TMEM71: variants seen among roughly 807,000 people sequenced by gnomAD.
TMEM71 encodes the protein transmembrane protein 71.
In TMEM71, 44 loss-of-function variants were observed where a neutral mutation model predicts 38.0. The ratio of observed to expected loss-of-function variants is 1.16; its 90% CI spans 0.91 to 1.49. The LOEUF (loss-of-function observed/expected upper bound fraction) is 1.49, where lower values mean the gene tolerates loss of function less well. Among genes scored for constraint, TMEM71 ranks in the 40% most tolerant of loss-of-function variants. The probability of loss-of-function intolerance (pLI) is 0.00; values close to 1 mark genes in which losing one functional copy is unlikely to be tolerated. For missense variants in TMEM71, 367 were observed against 348.6 expected, an observed-to-expected ratio of 1.05 and a Z score of -0.42; for synonymous variants, 133 against 122.5, an observed-to-expected ratio of 1.09 and a Z score of -0.56.
At chr8:132,707,914 G>A (rs1027581418), downstream of TMEM71, among the ~76,000 whole-genome samples, 3 of 152,200 alleles carry the variant, frequency 2.0e-5, no homozygotes, top group Admixed American at 6.5e-5. Context: ...CAGGAACCTC[G>A]TCTGTATTCT....
At chr8:132,752,808 AAAGGAAGAAGGG>A (rs1233713646) in intron 3 of TMEM71, among the ~76,000 whole-genome samples, 3 of 146,112 alleles carry the variant, frequency 2.1e-5, no homozygotes, top group African/African-American at 7.7e-5. Context: ...AGAAAGGAAG[AAAGGAAGAAGGG>A]AAGGAAGAAA....
At chr8:132,749,790 C>T (rs532858841) in intron 4 of TMEM71, among the ~76,000 whole-genome samples, 5 of 151,954 alleles carry the variant, frequency 3.3e-5, no homozygotes, top group South Asian at 2.1e-4. Context: ...TTGAGGCGGG[C>T]GGATCACAAG....
chr8:132,713,051 C>T (rs985192684), intron 9 of TMEM71, among the ~76,000 whole-genome samples: 3 of 151,674 alleles, frequency 2.0e-5, no homozygotes, highest in African/African-American at 7.3e-5. Context: ...CACTATGTTG[C>T]TCAGGCTGGT....
At chr8:132,711,979 G>A (rs10106531) in intron 9 of TMEM71, among the ~76,000 whole-genome samples, 19,645 of 151,874 alleles carry the variant, frequency 0.13, 1,517 homozygotes, top group East Asian at 0.3. Flanking sequence ...TTAGTTTCTC[G>A]GTATGTTTAT....
intron 7 of TMEM71, among the ~76,000 whole-genome samples, chr8:132,716,834 C>T (rs1304099673): frequency 1.3e-5 from 2 of 152,190 alleles, no homozygotes; most frequent in Non-Finnish European, 2.9e-5. Context: ...CTACATCTAT[C>T]TCTATGGCAC....
chr8:132,758,007 T>C (rs2131211973), intron 2 of TMEM71: 1 of 152,288 alleles, frequency 6.6e-6, no homozygotes, highest in East Asian at 1.9e-4. Flanking sequence ...AATTCAATCA[T>C]TGTTCTAGAC....
the TMEM71 span, among the ~76,000 whole-genome samples, chr8:132,767,697 G>A: frequency 2.0e-5 from 3 of 152,020 alleles, no homozygotes; most frequent in Non-Finnish European, 2.9e-5. Flanking sequence ...GGATGGTCTC[G>A]ATCTCCTGAC....
At chr8:132,745,633 T>A (rs1421201663) in intron 5 of TMEM71, among the ~76,000 whole-genome samples, 1 of 152,142 alleles carries the variant, frequency 6.6e-6, no homozygotes, top group East Asian at 1.9e-4. Context: ...CTCAAAGACC[T>A]TAGAACCACG....
intron 1 of TMEM71, 120 bp from the exon 2 acceptor site, chr8:132,759,035 C>A (rs1829186209): frequency 1.6e-6 from 1 of 644,542 alleles, no homozygotes; most frequent in Admixed American, 2.7e-5. Flanking sequence ...TACAGAGATA[C>A]AGAATTGAAG....
At chr8:132,752,049 C>A in intron 3 of TMEM71, 52 bp from the exon 4 acceptor site, 3 of 1,433,650 alleles carry the variant, frequency 2.1e-6, no homozygotes, top group Middle Eastern at 2.0e-4. Flanking sequence ...ACATCCAGTC[C>A]CAAATAAACC....
Position 132,734,191 on chromosome 8 carries a change from C to A in TMEM71, c.488-6205G>T, listed in dbSNP as rs79253741. ...ACACACACACGCATACACATACACA[C>A]ACACACAGAGACACAGGCACCTTTG... On this transcript the variant is annotated intron_variant, in intron 5 of 9. Transcript: ENST00000677595. Among the ~76,000 whole-genome samples the A allele has an allele frequency of 1.9e-3, 291 of 152,212 alleles. 2 individuals are homozygous for A. The highest frequency in any genetic ancestry group is 5.3e-3 in the Admixed American group (81 of 15,290).
chr8:132,717,253 A>G (rs1337174325), intron 7 of TMEM71, among the ~76,000 whole-genome samples: 1 of 152,246 alleles, frequency 6.6e-6, no homozygotes, highest in Non-Finnish European at 1.5e-5. Context: ...CTACATCAAA[A>G]TTTAAAACTT....
intron 5 of TMEM71, among the ~76,000 whole-genome samples, chr8:132,729,651 A>G (rs946528584): frequency 6.6e-6 from 1 of 152,228 alleles, no homozygotes; most frequent in Non-Finnish European, 1.5e-5. Context: ...AACTCTAAGC[A>G]TACGCTGTGG....
At chr8:132,732,359 A>C (rs1405597755) in intron 5 of TMEM71, among the ~76,000 whole-genome samples, 5 of 152,134 alleles carry the variant, frequency 3.3e-5, no homozygotes, top group African/African-American at 9.7e-5. Flanking sequence ...GAAGAGAGTA[A>C]GTGGGGATGG....
rs1356816230 is a variant in TMEM71 at position 132,722,050 on chromosome 8, C to A, written c.742G>T (p.Ala248Ser). ...ILLAVCLIIS[A>S]CARWFMGEIL... ...TAAAACGTGAATTACCTTGCACATG[C>A]AGAAATGATTAAGCACACAGCAAGC... Residue 248 changes from alanine to serine, a missense_variant, in exon 7 of 10, where the codon GCA becomes TCA. Physicochemically the swap from Ala to Ser is moderately conservative, Grantham distance 99. Transcript: ENST00000677595. The A allele has an allele frequency of 4.3e-6, 7 of 1,613,660 alleles. No homozygotes were observed. The highest frequency in any genetic ancestry group is 5.9e-6 in the Non-Finnish European group (7 of 1,179,730).
At chr8:132,721,636 T>C (rs146427907) in intron 7 of TMEM71, among the ~76,000 whole-genome samples, 224 of 150,544 alleles carry the variant, frequency 1.5e-3, no homozygotes, top group Admixed American at 5.3e-3. Context: ...AACCTCTGCC[T>C]CCCGGGTTCA....
At chr8:132,749,768 C>A (rs987752908) in intron 4 of TMEM71, among the ~76,000 whole-genome samples, 1 of 152,136 alleles carries the variant, frequency 6.6e-6, no homozygotes, top group African/African-American at 2.4e-5. Context: ...GTAATCCCAG[C>A]ACTTTGGGAG....
At chr8:132,727,503 G>T (rs1280768934) in intron 6 of TMEM71, among the ~76,000 whole-genome samples, 1 of 152,074 alleles carries the variant, frequency 6.6e-6, no homozygotes, top group African/African-American at 2.4e-5. Flanking sequence ...TGATCCGCCC[G>T]CCTCGGCCTC....
intron 5 of TMEM71, among the ~76,000 whole-genome samples, chr8:132,740,595 A>G (rs1179580223): frequency 3.3e-5 from 5 of 152,256 alleles, no homozygotes; most frequent in Admixed American, 2.0e-4. Context: ...AATGAATTAC[A>G]GCAGAGTGAG....
Sources: allele counts gnomAD v4.1 joint callset (sites outside exome capture counted in the v4.1 genomes callset), GRCh38; gene constraint gnomAD v4.1.1; transcripts MANE v1.5; gene names NCBI Gene and HGNC (gene_info 2026-07-23, HGNC 2026-07-21).